The following RB1CC1 variants were observed in gnomAD, a reference collection of about 807,000 sequenced individuals.
The protein encoded by RB1CC1 is RB1-inducible coiled-coil protein 1.
In RB1CC1, 46 loss-of-function variants were observed where a neutral mutation model predicts 177.5. The observed-to-expected ratio is 0.26, with a 90% confidence interval of 0.20 to 0.33. The LOEUF (loss-of-function observed/expected upper bound fraction) is 0.33, where lower values mean the gene tolerates loss of function less well. Among genes scored for constraint, RB1CC1 ranks in the 10% least tolerant of loss-of-function variants. The pLI is 1.00. For synonymous variants in RB1CC1, 666 were observed against 613.6 expected (o/e 1.09, Z -1.26); for missense variants, 1,703 against 1,816.3 (o/e 0.94, Z 1.13).
At chr8:52,642,075 T>C (rs192252860) in intron 18 of RB1CC1, among the ~76,000 whole-genome samples, 17 of 152,272 alleles carry the variant, frequency 1.1e-4, no homozygotes, top group Admixed American at 1.0e-3. Context: ...CAACATTCCC[T>C]GTAAATAAGA....
chr8:52,650,183 A>T (rs899683820), intron 15 of RB1CC1, among the ~76,000 whole-genome samples: 2 of 152,228 alleles, frequency 1.3e-5, no homozygotes, highest in African/African-American at 4.8e-5. Context: ...GTCCTCACAT[A>T]AGCATCTTTC....
chr8:52,679,724 C>T (rs1853519866), intron 5 of RB1CC1, among the ~76,000 whole-genome samples: 2 of 152,262 alleles, frequency 1.3e-5, no homozygotes, highest in Middle Eastern at 3.4e-3. Context: ...TAGGTTCACA[C>T]CACTATTGCA....
At chr8:52,630,353 T>C (rs1257587233) in intron 21 of RB1CC1, 117 bp downstream of exon 21, 2 of 1,271,938 alleles carry the variant, frequency 1.6e-6, no homozygotes, top group Non-Finnish European at 2.1e-6. Flanking sequence ...TACTACTGAG[T>C]GCAAAACACT....
At chr8:52,675,332 C>T (rs901007044) in intron 6 of RB1CC1, among the ~76,000 whole-genome samples, 2 of 151,840 alleles carry the variant, frequency 1.3e-5, no homozygotes, top group Non-Finnish European at 1.5e-5. Context: ...AAAACCAGAA[C>T]ATGCTACTTG....
chr8:52,660,853 G>C (rs188650478), intron 11 of RB1CC1, 73 bp downstream of exon 11: 3 of 1,314,030 alleles, frequency 2.3e-6, no homozygotes, highest in Admixed American at 2.1e-5. Context: ...CATGAAGTAT[G>C]CTACAGAAAA....
intron 15 of RB1CC1, among the ~76,000 whole-genome samples, chr8:52,653,013 C>A (rs556207936): frequency 6.6e-6 from 1 of 152,054 alleles, no homozygotes; most frequent in Non-Finnish European, 1.5e-5. Flanking sequence ...AGAGAGATCA[C>A]GCCACTGCAC....
chr8:52,693,015 C>T (rs895577155), intron 1 of RB1CC1, among the ~76,000 whole-genome samples: 6 of 152,146 alleles, frequency 3.9e-5, no homozygotes, highest in African/African-American at 1.4e-4. Context: ...CAGAAACAAG[C>T]AATGGGGAAA....
At chr8:52,693,442 A>C (rs544323910) in intron 1 of RB1CC1, among the ~76,000 whole-genome samples, 1 of 152,046 alleles carries the variant, frequency 6.6e-6, no homozygotes, top group Non-Finnish European at 1.5e-5. Context: ...GAAAACATAC[A>C]TGTAGCCAAC....
chr8:52,674,963 A>C (rs944279142), intron 6 of RB1CC1, among the ~76,000 whole-genome samples: 4 of 152,200 alleles, frequency 2.6e-5, no homozygotes, highest in African/African-American at 7.2e-5. Context: ...GGATAAAAAT[A>C]ACAATCCTAA....
intron 19 of RB1CC1, among the ~76,000 whole-genome samples, chr8:52,635,440 A>T (rs1407248583): frequency 6.6e-6 from 1 of 152,188 alleles, no homozygotes; most frequent in Non-Finnish European, 1.5e-5. Context: ...AAAGAAAAAA[A>T]GGCATTGTTG....
In RB1CC1 at chr8:52,640,566, A is replaced by G. The variant is rs1309143983; in HGVS notation, c.4337+1785T>C. Among the ~76,000 whole-genome samples, 9 of 152,118 alleles carry G rather than the reference A, an allele frequency of 5.9e-5. No individual in the cohort carries two copies. The South Asian group carries it at 6.2e-4, about 11-fold the overall frequency. On this transcript the variant is annotated intron_variant, in intron 18 of 23. Transcript: ENST00000025008. ...AATTGCTTTTATATTTTTCCCTTCT[A>G]TATCTTTCTGAATCATATTATAGTA...
At chr8:52,706,735 C>CA (rs570528978) in intron 1 of RB1CC1, among the ~76,000 whole-genome samples, 1,695 of 106,212 alleles carry the variant, frequency 0.016, 14 homozygotes, top group Middle Eastern at 0.028. Context: ...CCCTCTGTTT[C>CA]AAAAAAAAAA....
chr8:52,667,981 C>A (rs541547672), intron 8 of RB1CC1, 40 bp downstream of exon 8: 1 of 1,573,432 alleles, frequency 6.4e-7, no homozygotes, highest in African/African-American at 1.4e-5. Flanking sequence ...TACAAAAAAA[C>A]TATAAATTCC....
At chr8:52,653,231 T>C (rs906243837) in intron 15 of RB1CC1, among the ~76,000 whole-genome samples, 7 of 152,150 alleles carry the variant, frequency 4.6e-5, no homozygotes, top group Non-Finnish European at 8.8e-5. Flanking sequence ...AAAGGCTCTG[T>C]AGTGGTGCTC....
At chr8:52,632,965 A>G (rs1415485660) in intron 20 of RB1CC1, among the ~76,000 whole-genome samples, 1 of 152,152 alleles carries the variant, frequency 6.6e-6, no homozygotes, top group Non-Finnish European at 1.5e-5. Context: ...TTCCTCTACC[A>G]TCCTCTGACA....
At chr8:52,624,838 T>C in intron 22 of RB1CC1, 51 bp from the exon 23 acceptor site, 2 of 1,283,268 alleles carry the variant, frequency 1.6e-6, no homozygotes, top group Admixed American at 2.7e-5. Flanking sequence ...TTATAATTAT[T>C]CATGGAAACA....
chr8:52,691,642 C>T (rs1204819284), intron 1 of RB1CC1, among the ~76,000 whole-genome samples: 1 of 152,174 alleles, frequency 6.6e-6, no homozygotes, highest in Non-Finnish European at 1.5e-5. Flanking sequence ...CATTTTCCCA[C>T]GTTTTCATCC....
At position 52,670,330 on chromosome 8, in the gene RB1CC1, C is replaced by T. The variant is rs564802666; in HGVS notation, c.1003-2139G>A. Among the ~76,000 whole-genome samples, 5 of 152,204 alleles carry T rather than the reference C, an allele frequency of 3.3e-5. No individual in the cohort carries two copies. The South Asian group carries it at 1.0e-3, about 32-fold the overall frequency. On this transcript the variant is annotated intron_variant, in intron 7 of 23. Transcript: ENST00000025008. ...TGTTTTAAATTACATATATGTAAAC[C>T]ACAGAATCTCATTAGTAATTATTTA...
At chr8:52,708,542 A>T (rs1487357409) in intron 1 of RB1CC1, among the ~76,000 whole-genome samples, 1 of 152,038 alleles carries the variant, frequency 6.6e-6, no homozygotes, top group Non-Finnish European at 1.5e-5. Flanking sequence ...ACAAACAAAC[A>T]AAAGTCCAAG....
Sources: allele counts gnomAD v4.1 joint callset (sites outside exome capture counted in the v4.1 genomes callset), GRCh38; gene constraint gnomAD v4.1.1; transcripts MANE v1.5; gene names NCBI Gene and HGNC (gene_info 2026-07-23, HGNC 2026-07-21).